Variants in NFATC2 observed in about 807,000 individuals in gnomAD.
NFATC2 encodes nuclear factor of activated T-cells, cytoplasmic 2.
NFATC2 carries 22 observed loss-of-function variants against 87.3 expected under a neutral mutation model. The ratio of observed to expected loss-of-function variants is 0.25; its 90% CI spans 0.18 to 0.36. The LOEUF is 0.36. NFATC2 is among the 10% of genes least tolerant of loss of function. The probability of loss-of-function intolerance (pLI) is 1.00; values close to 1 mark genes in which losing one functional copy is unlikely to be tolerated. For synonymous variants in NFATC2, 565 were observed against 542.2 expected (o/e 1.04, Z -0.58); for missense variants, 1,149 against 1,259.1 (o/e 0.91, Z 1.32).
At chr20:51,528,161 T>C (rs1342639625) in intron 1 of NFATC2, among the ~76,000 whole-genome samples, 1 of 151,856 alleles carries the variant, frequency 6.6e-6, no homozygotes, top group East Asian at 1.9e-4. Context: ...ATGCTTAAGA[T>C]TCATTACTAC....
At chr20:51,448,287 G>A (rs542430421) in intron 6 of NFATC2, among the ~76,000 whole-genome samples, 50 of 152,332 alleles carry the variant, frequency 3.3e-4, no homozygotes, top group African/African-American at 1.2e-3. Context: ...GGAGGACCCC[G>A]TGGAGGAAGT....
chr20:51,545,170 A>T (rs1464673006), upstream of NFATC2, among the ~76,000 whole-genome samples: 1 of 152,210 alleles, frequency 6.6e-6, no homozygotes, highest in Non-Finnish European at 1.5e-5. Context: ...TTCCCCTGTG[A>T]TTTAGAAAAG....
chr20:51,535,251 G>A lies in NFATC2; in HGVS notation c.130+7119C>T, dbSNP rs570876069. Among the ~76,000 whole-genome samples, 72 of 152,326 alleles carry A rather than the reference G, an allele frequency of 4.7e-4. 1 individual carries two copies. The Middle Eastern group carries it at 0.014, about 29-fold the overall frequency. On this transcript the variant is annotated intron_variant, in intron 1 of 10. Coordinates refer to ENST00000371564, the MANE Select transcript of NFATC2 (RefSeq NM_012340.5). Reference sequence around the variant, plus strand: ...GGCCTGCAGAAGATGACATGAGCAGGGGAACATCCCTTCTTTCCATCCTCT... The same window carrying A: ...GGCCTGCAGAAGATGACATGAGCAGAGGAACATCCCTTCTTTCCATCCTCT...
intron 5 of NFATC2, among the ~76,000 whole-genome samples, chr20:51,470,492 ATGT>A (rs1160754826): frequency 1.3e-5 from 2 of 152,168 alleles, no homozygotes; most frequent in Non-Finnish European, 2.9e-5. Flanking sequence ...TAGTTTGTTC[ATGT>A]TGTTTCTGCT....
chr20:51,517,011 G>C, intron 2 of NFATC2, 56 bp from the exon 3 acceptor site: 2 of 1,528,768 alleles, frequency 1.3e-6, no homozygotes, highest in Non-Finnish European at 1.8e-6. Flanking sequence ...TAGTCAACTT[G>C]TACAATAATT....
Position 51,391,471 on chromosome 20 carries a change from G to GC in NFATC2, c.*45-21_*45-20insG, listed in dbSNP as rs759828148. ...CATTAACTACAAAAGAAAAGAGGAG[G>GC]GGGGGGGAGAGAGAATGGGGCAAGT... On this transcript the variant is annotated intron_variant, in intron 10 of 10. Coordinates refer to ENST00000371564, the MANE Select transcript of NFATC2 (RefSeq NM_012340.5). 134 of 1,579,204 alleles carry GC rather than the reference G, an allele frequency of 8.5e-5. No homozygotes were observed. The African/African-American group carries it at 9.6e-4, about 11-fold the overall frequency.
intron 9 of NFATC2, among the ~76,000 whole-genome samples, chr20:51,417,467 C>A (rs1421810679): frequency 6.6e-6 from 1 of 152,194 alleles, no homozygotes; most frequent in Non-Finnish European, 1.5e-5. Flanking sequence ...GCCCTACGTG[C>A]TTGCTCTTCC....
chr20:51,439,358 A>G (rs1034970138), intron 6 of NFATC2, among the ~76,000 whole-genome samples: 1 of 152,220 alleles, frequency 6.6e-6, no homozygotes, highest in Non-Finnish European at 1.5e-5. Flanking sequence ...AGCACAGGCC[A>G]AGGTCACACA....
intron 3 of NFATC2, among the ~76,000 whole-genome samples, chr20:51,485,459 G>A (rs976719571): frequency 6.6e-6 from 1 of 152,160 alleles, no homozygotes; most frequent in African/African-American, 2.4e-5. Context: ...ATAGGAGCTG[G>A]GTCTGGAAGT....
intron 9 of NFATC2, among the ~76,000 whole-genome samples, chr20:51,401,808 C>CTGA (rs1173809309): frequency 6.6e-6 from 1 of 152,120 alleles, no homozygotes; most frequent in Non-Finnish European, 1.5e-5. Flanking sequence ...AAGTGGTTCA[C>CTGA]TGATGAGCTT....
At chr20:51,522,573 C>CTTT (rs10648166) in intron 2 of NFATC2, among the ~76,000 whole-genome samples, 53,252 of 145,336 alleles carry the variant, frequency 0.37, 9,973 homozygotes, top group Non-Finnish European at 0.42. Flanking sequence ...TCACATATTT[C>CTTT]TTTTTTTTTT....
intron 6 of NFATC2, among the ~76,000 whole-genome samples, chr20:51,450,266 G>A (rs1985605573): frequency 6.6e-6 from 1 of 152,192 alleles, no homozygotes; most frequent in Admixed American, 6.5e-5. Flanking sequence ...TGACCGCTGT[G>A]GGTTACAGCC....
chr20:51,506,995 C>G (rs969369843), intron 3 of NFATC2, among the ~76,000 whole-genome samples: 5 of 152,206 alleles, frequency 3.3e-5, no homozygotes, highest in African/African-American at 1.2e-4. Context: ...CGCAGAGGAC[C>G]CTTTCTAAAG....
chr20:51,533,296 G>T (rs888575510), intron 1 of NFATC2, among the ~76,000 whole-genome samples: 5 of 152,198 alleles, frequency 3.3e-5, no homozygotes, highest in Non-Finnish European at 7.3e-5. Flanking sequence ...GCAATGGGTT[G>T]CCTCCAAATA....
At chr20:51,546,120 G>T (rs1302357737), upstream of NFATC2, among the ~76,000 whole-genome samples, 1 of 152,192 alleles carries the variant, frequency 6.6e-6, no homozygotes, top group Non-Finnish European at 1.5e-5. Context: ...AACTGATCAA[G>T]TGCTACAAAA....
At chr20:51,525,568 A>ATCAGAGGC (rs1382270208) in intron 1 of NFATC2, among the ~76,000 whole-genome samples, 4 of 67,418 alleles carry the variant, frequency 5.9e-5, no homozygotes, top group African/African-American at 1.2e-4. Flanking sequence ...CCCCCACCTC[A>ATCAGAGGC]TCAGAGGCTC....
intron 3 of NFATC2, among the ~76,000 whole-genome samples, chr20:51,477,162 G>A (rs1378452341): frequency 6.6e-6 from 1 of 152,044 alleles, no homozygotes; most frequent in African/African-American, 2.4e-5. Flanking sequence ...ACATGCCTAG[G>A]CTGTGATACA....
intron 8 of NFATC2, 46 bp downstream of exon 8, chr20:51,435,142 T>G: frequency 3.1e-6 from 5 of 1,609,438 alleles, no homozygotes; most frequent in Non-Finnish European, 3.4e-6. Context: ...GCCCTGTGCC[T>G]GTACTGCCTC....
upstream of NFATC2, among the ~76,000 whole-genome samples, chr20:51,543,109 C>G (rs2076852733): frequency 6.6e-6 from 1 of 152,152 alleles, no homozygotes. Context: ...ACCCGTGTCT[C>G]CAGGCGTCTC....
Sources: allele counts gnomAD v4.1 joint callset (sites outside exome capture counted in the v4.1 genomes callset), GRCh38; gene constraint gnomAD v4.1.1; transcripts MANE v1.5; gene names NCBI Gene and HGNC (gene_info 2026-07-23, HGNC 2026-07-21).